GSTM4: variants seen among roughly 807,000 people sequenced by gnomAD.
GSTM4 encodes the protein glutathione S-transferase mu 4, also known as GST class-mu 4.
Under a neutral mutation model 30.1 loss-of-function variants are expected in GSTM4, and 27 were observed. The observed-to-expected ratio is 0.90, with a 90% CI of 0.66 to 1.24. The LOEUF (loss-of-function observed/expected upper bound fraction) is 1.24, where lower values mean the gene tolerates loss of function less well. Ranked by LOEUF, GSTM4 falls within the 50% of genes most tolerant of loss-of-function variation. The probability of loss-of-function intolerance (pLI) is 0.00; values close to 1 mark genes in which losing one functional copy is unlikely to be tolerated. For synonymous variants in GSTM4, 94 were observed against 96.2 expected (o/e 0.98, Z 0.13); for missense variants, 238 against 272.1 (o/e 0.87, Z 0.88).
downstream of GSTM4, chr1:109,661,841 G>GT (rs10687592): frequency 0.12 from 43,091 of 364,824 alleles, 2,064 homozygotes; most frequent in African/African-American, 0.18. Flanking sequence ...TTCCAACTTT[G>GT]TTTTTTTTTT....
chr1:109,656,824 C>G, intron 2 of GSTM4, 37 bp downstream of exon 2: 1 of 1,593,968 alleles, frequency 6.3e-7, no homozygotes, highest in Non-Finnish European at 8.6e-7. Context: ...TGCCCACTCA[C>G]GCTGAGTTGG....
downstream of GSTM4, among the ~76,000 whole-genome samples, chr1:109,666,557 T>C (rs953046777): frequency 2.6e-5 from 4 of 152,174 alleles, no homozygotes; most frequent in African/African-American, 9.6e-5. Context: ...CCTTCTCTCA[T>C]TCCTGATGTG....
chr1:109,657,676 G>T lies in GSTM4; in HGVS notation c.259+5G>T. 6.2e-7 allele frequency: 1 copy of T among 1,614,268 alleles called. No homozygotes were observed. The highest frequency in any genetic ancestry group is 8.5e-7 in the Non-Finnish European group (1 of 1,180,052). On this transcript the variant is annotated splice_donor_5th_base_variant and intron_variant, in intron 4 of 7. Transcript: ENST00000369836. The stretch of plus-strand genomic sequence containing the variant: ...TTGCCCGCAAGCACAACCTGTGTGA[G>T]TGTGGTTGGCTGCAGTGTGTGGGGG...
chr1:109,661,182 T>G lies in GSTM4; in HGVS notation c.585T>G (p.Ser195=). ...CCTCTCAGGGCTTGGAGAAGATCTC[T>G]GCCTACATGAAGTCCAGCCGCTTCC... ...ISRFEGLEKI[S]AYMKSSRFLP... is the part of the protein sequence containing the mutation. The change falls in exon 8 of 8, where the codon TCT becomes TCG. Residue 195 remains serine (S), a synonymous_variant. Coordinates refer to ENST00000369836, the MANE Select transcript of GSTM4 (RefSeq NM_000850.5). 2 of 1,612,428 alleles carry G rather than the reference T, an allele frequency of 1.2e-6. No individual in the cohort carries two copies. The highest frequency in any genetic ancestry group is 2.2e-5 in the South Asian group (2 of 91,090).
In GSTM4 at chr1:109,656,418, T is replaced by G; in HGVS notation, c.29T>G (p.Ile10Ser). Residue 10 changes from isoleucine to serine, a missense_variant, in exon 1 of 8, where the codon ATC (isoleucine) becomes AGC (serine). Ile to Ser is a moderately radical substitution (Grantham distance 142, BLOSUM62 -2). Transcript: ENST00000369836. MSMTLGYWD[I>S]RGLAHAIRLL... ...TCCATGACACTGGGGTACTGGGACA[T>G]CCGCGGGGTGAGTGAGGGTCCGCTG... 6.2e-7 allele frequency: 1 copy of G among 1,613,476 alleles called. No homozygotes were observed. The highest frequency in any genetic ancestry group is 8.5e-7 in the Non-Finnish European group (1 of 1,179,600).
Position 109,657,572 on chromosome 1 carries a change from G to C in GSTM4, c.178-18G>C, listed in dbSNP as rs200579990. ...CCTGCTGGCCCAACTGAGCTTCCCC[G>C]GTTTCCCATCTATCCAGCTGCCCTA... On this transcript the variant is annotated intron_variant, in intron 3 of 7. Transcript: ENST00000369836. 3.7e-6 allele frequency: 6 copies of C among 1,614,206 alleles called. No individual in the cohort carries two copies. The highest frequency in any genetic ancestry group is 5.1e-6 in the Non-Finnish European group (6 of 1,180,032).
In GSTM4 at chr1:109,661,388, C is replaced by G. The variant is rs1652311379; in HGVS notation, c.*134C>G. 2.6e-6 allele frequency: 4 copies of G among 1,545,384 alleles called. No individual in the cohort carries two copies. The highest frequency in any genetic ancestry group is 3.5e-6 in the Non-Finnish European group (4 of 1,144,602). On this transcript the variant is annotated 3_prime_UTR_variant, in exon 8 of 8. Transcript: ENST00000369836. ...CTCCTGTTTATTCCCATCTTTACCC[C>G]CAAGACTTTATTGGGCCTCTTCACT...
intron 7 of GSTM4, 81 bp from the exon 8 acceptor site, chr1:109,661,084 C>A: frequency 6.4e-7 from 1 of 1,570,382 alleles, no homozygotes; most frequent in Non-Finnish European, 8.7e-7. Flanking sequence ...AGGGCCCTGA[C>A]CTGCTGTGTC....
chr1:109,665,560 A>AACG (rs1647289257), downstream of GSTM4: 1 of 149,988 alleles, frequency 6.7e-6, no homozygotes, highest in South Asian at 2.1e-4. Flanking sequence ...CATAGCAAAA[A>AACG]ACAACAACGA....
At chr1:109,661,048 T>G in intron 7 of GSTM4, 117 bp from the exon 8 acceptor site, 4 of 1,445,156 alleles carry the variant, frequency 2.8e-6, no homozygotes, top group Non-Finnish European at 3.8e-6. Context: ...CCTCAGCACT[T>G]GAGCCCACGT....
chr1:109,658,056 G>A (rs1376775580), intron 5 of GSTM4, 184 bp downstream of exon 5: 1 of 601,082 alleles, frequency 1.7e-6, no homozygotes. Flanking sequence ...CCAATCATAG[G>A]AAGTCCTATG....
At chr1:109,666,853 G>A (rs1280046741), downstream of GSTM4, among the ~76,000 whole-genome samples, 1 of 152,148 alleles carries the variant, frequency 6.6e-6, no homozygotes, top group African/African-American at 2.4e-5. Flanking sequence ...AGCTTCCTGA[G>A]TAGCTGGGAT....
At position 109,661,310 on chromosome 1, in the gene GSTM4, G is replaced by A; in HGVS notation, c.*56G>A. 1.2e-6 allele frequency: 2 copies of A among 1,611,154 alleles called. No homozygotes were observed. The highest frequency in any genetic ancestry group is 1.7e-6 in the Non-Finnish European group (2 of 1,178,456). On this transcript the variant is annotated 3_prime_UTR_variant, in exon 8 of 8. Transcript: ENST00000369836. ...AGCCCATACTCAGCCTGCTGCCCAG[G>A]CTGTGCAGCGCAGCTGGACTCTGCA...
chr1:109,658,627 C>T (rs1652147056), intron 5 of GSTM4, 187 bp from the exon 6 acceptor site: 3 of 616,726 alleles, frequency 4.9e-6, no homozygotes, highest in Non-Finnish European at 8.8e-6. Flanking sequence ...CTTCCCATCA[C>T]CACAAAAGCC....
At chr1:109,658,068 AAGCT>A (rs1161684667) in intron 5 of GSTM4, 196 bp downstream of exon 5, 4 of 593,922 alleles carry the variant, frequency 6.7e-6, no homozygotes, top group Non-Finnish European at 9.0e-6. Context: ...AGTCCTATGA[AAGCT>A]AGCAATTCAG....
At chr1:109,664,341 C>CCT (rs1647226667), downstream of GSTM4, among the ~76,000 whole-genome samples, 1 of 35,742 alleles carries the variant, frequency 2.8e-5, no homozygotes, top group African/African-American at 9.9e-5. Context: ...GAGAGAATAG[C>CCT]TTTTTTTTTT....
downstream of GSTM4, among the ~76,000 whole-genome samples, chr1:109,666,282 G>A (rs963998191): frequency 1.3e-5 from 2 of 152,144 alleles, no homozygotes; most frequent in African/African-American, 4.8e-5. Context: ...GGTAGACAAT[G>A]TTTCACCATG....
chr1:109,665,434 A>G (rs992113768), downstream of GSTM4: 1 of 214,298 alleles, frequency 4.7e-6, no homozygotes, highest in Non-Finnish European at 9.4e-6. Flanking sequence ...TCACTCCAAA[A>G]TTGTGTGAGC....
intron 7 of GSTM4, chr1:109,660,878 G>T: frequency 2.2e-6 from 1 of 448,494 alleles, no homozygotes; most frequent in Non-Finnish European, 4.1e-6. Context: ...GTAGTCGAGT[G>T]GGTTTTCTAA....
Sources: allele counts gnomAD v4.1 joint callset (sites outside exome capture counted in the v4.1 genomes callset), GRCh38; gene constraint gnomAD v4.1.1; transcripts MANE v1.5; gene names NCBI Gene and HGNC (gene_info 2026-07-23, HGNC 2026-07-21).